Variants in ZNF75D observed in about 807,000 individuals in gnomAD.
ZNF75D encodes zinc finger protein 75.
A neutral mutation model predicts 33.3 loss-of-function variants in ZNF75D; 33 were observed. The ratio of observed to expected loss-of-function variants is 0.99; its 90% CI spans 0.75 to 1.32. ZNF75D has a LOEUF of 1.32. Among genes scored for constraint, ZNF75D ranks in the 40% most tolerant of loss-of-function variants. The probability of loss-of-function intolerance (pLI) is 0.00; values close to 1 mark genes in which losing one functional copy is unlikely to be tolerated. For missense variants in ZNF75D, 338 were observed against 367.5 expected (o/e 0.92, Z 0.66); for synonymous variants, 113 against 130.6 (o/e 0.87, Z 0.92).
chrX:135,295,442 C>G (rs1469955507), intron 2 of ZNF75D, among the ~76,000 whole-genome samples: 3 of 112,225 alleles, frequency 2.7e-5, no homozygotes, highest in African/African-American at 9.7e-5. Flanking sequence ...CACAAGAACT[C>G]TGAACGTGGG....
intron 2 of ZNF75D, chrX:135,253,449 T>C (rs2083791160): frequency 3.4e-6 from 1 of 290,944 alleles, no homozygotes; most frequent in African/African-American, 2.8e-5. Flanking sequence ...GTGTGGATGC[T>C]GTCATAAAGC....
At chrX:135,314,342 C>T (rs73557215) in intron 1 of ZNF75D, among the ~76,000 whole-genome samples, 226 of 111,641 alleles carry the variant, frequency 2.0e-3, no homozygotes, top group African/African-American at 7.0e-3. Flanking sequence ...GTTATAACTC[C>T]CACTTGATCA....
intron 1 of ZNF75D, among the ~76,000 whole-genome samples, chrX:135,336,642 T>C (rs1351707620): frequency 7.1e-5 from 8 of 112,205 alleles, no homozygotes; most frequent in Non-Finnish European, 9.4e-5. Context: ...GCCCTAGCCC[T>C]ACTCCTAGCC....
At chrX:135,329,295 A>T (rs1423837592) in intron 1 of ZNF75D, among the ~76,000 whole-genome samples, 1 of 111,774 alleles carries the variant, frequency 8.9e-6, no homozygotes, top group Non-Finnish European at 1.9e-5. Context: ...TTATTTATTT[A>T]TTTATTGAGA....
intron 1 of ZNF75D, among the ~76,000 whole-genome samples, chrX:135,321,769 C>A (rs2084498359): frequency 8.9e-6 from 1 of 111,768 alleles, no homozygotes; most frequent in African/African-American, 3.3e-5. Context: ...TGTGGGGGTT[C>A]AATCAGGCTG....
chrX:135,326,816 C>A (rs1228485825), intron 1 of ZNF75D, among the ~76,000 whole-genome samples: 1 of 111,017 alleles, frequency 9.0e-6, no homozygotes, highest in African/African-American at 3.3e-5. Flanking sequence ...CTCCTGAGCC[C>A]GCGAGACCAC....
chrX:135,341,282 T>A (rs2084780238), intron 1 of ZNF75D, among the ~76,000 whole-genome samples: 1 of 112,101 alleles, frequency 8.9e-6, no homozygotes, highest in Non-Finnish European at 1.9e-5. Context: ...TTTCTGCAGC[T>A]TTCCCCAAAG....
intron 1 of ZNF75D, among the ~76,000 whole-genome samples, chrX:135,270,392 T>TATAC (rs1211997989): frequency 7.0e-5 from 6 of 85,151 alleles, no homozygotes; most frequent in Non-Finnish European, 1.2e-4. Flanking sequence ...TATATATATA[T>TATAC]ACACATATTT....
downstream of ZNF75D, among the ~76,000 whole-genome samples, chrX:135,283,969 C>T (rs1556418948): frequency 9.0e-6 from 1 of 111,552 alleles, no homozygotes; most frequent in Non-Finnish European, 1.9e-5. Flanking sequence ...CACAAATGCA[C>T]ACAAGTGGAA....
At chrX:135,294,921 T>C (rs782760457) in intron 2 of ZNF75D, among the ~76,000 whole-genome samples, 2 of 112,105 alleles carry the variant, frequency 1.8e-5, no homozygotes, top group African/African-American at 6.5e-5. Context: ...GAAAGACTTA[T>C]AAAGGGCACT....
At chrX:135,279,775 A>C (rs2083913316) in intron 1 of ZNF75D, among the ~76,000 whole-genome samples, 1 of 111,752 alleles carries the variant, frequency 8.9e-6, no homozygotes, top group African/African-American at 3.3e-5. Context: ...AGGTTGTTCA[A>C]TTTCCATGTA....
intron 1 of ZNF75D, among the ~76,000 whole-genome samples, chrX:135,273,075 T>C (rs1556417160): frequency 1.8e-5 from 2 of 111,940 alleles, no homozygotes; most frequent in African/African-American, 6.5e-5. Flanking sequence ...CTGGACACCC[T>C]CCATTATAAC....
chrX:135,296,640 T>C (rs970556772), intron 1 of ZNF75D, among the ~76,000 whole-genome samples: 2 of 112,646 alleles, frequency 1.8e-5, no homozygotes, highest in Non-Finnish European at 3.8e-5. Flanking sequence ...CAACAGTCCC[T>C]TACATTTTCA....
chrX:135,314,085 C>T (rs2084390938), intron 1 of ZNF75D, among the ~76,000 whole-genome samples: 1 of 111,729 alleles, frequency 9.0e-6, no homozygotes, highest in African/African-American at 3.3e-5. Context: ...AGAGGAAAGG[C>T]TTCCAACTTT....
intron 1 of ZNF75D, among the ~76,000 whole-genome samples, chrX:135,316,148 C>T (rs1406542329): frequency 9.0e-6 from 1 of 111,658 alleles, no homozygotes; most frequent in African/African-American, 3.3e-5. Flanking sequence ...TAAATGTTGT[C>T]CTTTTGCTTC....
chrX:135,289,619 CACACACAG>C lies in ZNF75D; in HGVS notation c.823+1382_823+1389del, dbSNP rs1216487573. Among the ~76,000 whole-genome samples the C allele has an allele frequency of 2.4e-4, 13 of 53,162 alleles. No individual in the cohort carries two copies. In the East Asian group the frequency reaches 6.1e-3, roughly 25 times the overall value. 46.2% of individuals were successfully genotyped at this position (53,162 alleles called of 115,157 possible). ...TGACAGAGTGAGACTCTGACACACA[CACACACAG>C]ACACACACACACACACACACACACA... On this transcript the variant is annotated intron_variant, in intron 6 of 6. Transcript: ENST00000370766.
chrX:135,315,467 AAGT>A, intron 1 of ZNF75D, among the ~76,000 whole-genome samples: 1 of 112,387 alleles, frequency 8.9e-6, no homozygotes, highest in East Asian at 2.8e-4. Flanking sequence ...ATTTGGCTTA[AAGT>A]TGAGTTTAAA....
At chrX:135,327,699 G>T (rs1569494881) in intron 1 of ZNF75D, 1 of 111,764 alleles carries the variant, frequency 8.9e-6, no homozygotes, top group Non-Finnish European at 1.9e-5. Context: ...AAATATTTTG[G>T]TAACTTCTGT....
chrX:135,312,334 T>C (rs1556428731), intron 1 of ZNF75D, among the ~76,000 whole-genome samples: 1 of 111,656 alleles, frequency 9.0e-6, no homozygotes, highest in Non-Finnish European at 1.9e-5. Flanking sequence ...TGCGGAATTT[T>C]TTATGGCCAA....
Sources: allele counts gnomAD v4.1 joint callset (sites outside exome capture counted in the v4.1 genomes callset), GRCh38; gene constraint gnomAD v4.1.1; transcripts MANE v1.5; gene names NCBI Gene and HGNC (gene_info 2026-07-23, HGNC 2026-07-21).